CDCP1: variants seen among roughly 807,000 people sequenced by gnomAD.
CDCP1 encodes the protein CUB domain-containing protein 1.
Under a neutral mutation model 60.2 loss-of-function variants are expected in CDCP1, and 29 were observed. The observed-to-expected ratio is 0.48, with a 90% CI of 0.36 to 0.66. The LOEUF (loss-of-function observed/expected upper bound fraction) is 0.66. Ranked by LOEUF, CDCP1 falls within the 30% of genes least tolerant of loss-of-function variation. The pLI, the probability that CDCP1 is intolerant of heterozygous loss-of-function variation, is 0.00. For synonymous variants in CDCP1, 387 were observed against 431.1 expected (o/e 0.90, Z 1.27); for missense variants, 876 against 1,074.3 (o/e 0.82, Z 2.58).
chr3:45,088,018 C>T (rs1698229037), intron 8 of CDCP1, among the ~76,000 whole-genome samples: 1 of 98,910 alleles, frequency 1.0e-5, no homozygotes, highest in South Asian at 4.5e-4. Context: ...GAGACTCTGT[C>T]TTAAAAAAAA....
rs779724415 is a variant in CDCP1, at chr3:45,112,153, G to C, written c.585C>G (p.Ala195=). 6.2e-7 allele frequency: 1 copy of C among 1,614,190 alleles called. No individual in the cohort carries two copies. The highest frequency in any genetic ancestry group is 1.1e-5 in the South Asian group (1 of 91,082). The stretch of plus-strand genomic sequence containing the variant: ...TGGGGTGGAACCATGGGAGGTGTAA[G>C]GCCATTTTCACTCCTTCTTGCATCT... The part of the protein sequence containing the change: ...RIKMQEGVKM[A]LHLPWFHPRN... The change falls in exon 3 of 9, where the codon GCC becomes GCG. Residue 195 remains alanine (A), a synonymous_variant. Transcript: ENST00000296129.
intron 1 of CDCP1, among the ~76,000 whole-genome samples, chr3:45,136,388 AGG>A (rs1412218638): frequency 6.6e-6 from 1 of 152,198 alleles, no homozygotes; most frequent in Non-Finnish European, 1.5e-5. Flanking sequence ...CTAAGGAAGA[AGG>A]AGGAGGATGG....
intron 4 of CDCP1, chr3:45,110,152 G>T: frequency 8.8e-7 from 1 of 1,140,288 alleles, no homozygotes; most frequent in Non-Finnish European, 1.1e-6. Flanking sequence ...GATGGTGCGG[G>T]TGACATCCTC....
intron 4 of CDCP1, among the ~76,000 whole-genome samples, chr3:45,100,959 A>C (rs1370725749): frequency 6.6e-6 from 1 of 152,240 alleles, no homozygotes; most frequent in Non-Finnish European, 1.5e-5. Context: ...CCCAAATCTG[A>C]ATGGTTAGTA....
At chr3:45,099,371 C>T (rs1003869018) in intron 4 of CDCP1, among the ~76,000 whole-genome samples, 7 of 151,806 alleles carry the variant, frequency 4.6e-5, no homozygotes, top group Admixed American at 1.3e-4. Context: ...AGTTTGTTGC[C>T]ATTTGGTTTC....
At chr3:45,106,718 G>C (rs1443781412) in intron 4 of CDCP1, among the ~76,000 whole-genome samples, 1 of 152,214 alleles carries the variant, frequency 6.6e-6, no homozygotes, top group African/African-American at 2.4e-5. Context: ...TTTGGTCTGG[G>C]TAGTTGTTCC....
rs1698160235 is a variant in CDCP1 at position 45,084,746 on chromosome 3, T to C, written c.*892A>G. The C allele has an allele frequency of 6.6e-6, 1 of 152,652 alleles. No individual in the cohort carries two copies. The highest frequency in any genetic ancestry group is 2.4e-5 in the African/African-American group (1 of 41,470). 9.5% of individuals were successfully genotyped at this position (152,652 alleles called of 1,614,324 possible). The stretch of plus-strand genomic sequence containing the variant: ...ATAGGTTGCAGTGGCAACAGAAAAC[T>C]AATGCAGGGGGCCACTGTTTGGTAT... On this transcript the variant is annotated 3_prime_UTR_variant, in exon 9 of 9. Coordinates refer to ENST00000296129, the MANE Select transcript of CDCP1 (RefSeq NM_022842.5).
intron 8 of CDCP1, 122 bp downstream of exon 8, chr3:45,088,922 TATTGTTTAAC>T: frequency 1.3e-6 from 1 of 756,170 alleles, no homozygotes. Flanking sequence ...CACCTGGCAA[TATTGTTTAAC>T]ATTGATCTTT....
intron 4 of CDCP1, 127 bp from the exon 5 acceptor site, chr3:45,095,695 G>A: frequency 4.3e-6 from 3 of 691,108 alleles, no homozygotes; most frequent in Non-Finnish European, 7.5e-6. Context: ...GATAATGTTG[G>A]GAAAACGTAT....
chr3:45,093,773 T>C, intron 5 of CDCP1, 116 bp from the exon 6 acceptor site: 1 of 1,201,738 alleles, frequency 8.3e-7, no homozygotes, highest in Non-Finnish European at 1.2e-6. Context: ...TTCCCTTCGG[T>C]CTCTCTTCTC....
At chr3:45,090,674 AG>A (rs2125989627) in intron 7 of CDCP1, among the ~76,000 whole-genome samples, 1 of 152,340 alleles carries the variant, frequency 6.6e-6, no homozygotes, top group East Asian at 1.9e-4. Context: ...ATGCAGTCGA[AG>A]GGATGGTGTG....
At chr3:45,135,908 C>T (rs73829940) in intron 1 of CDCP1, among the ~76,000 whole-genome samples, 1,684 of 152,272 alleles carry the variant, frequency 0.011, 35 homozygotes, top group African/African-American at 0.036. Context: ...AGGGTGCAAG[C>T]TCTATCAAAT....
chr3:45,095,809 A>G (rs548683400), intron 4 of CDCP1, among the ~76,000 whole-genome samples: 5 of 152,328 alleles, frequency 3.3e-5, no homozygotes, highest in African/African-American at 1.2e-4. Context: ...TGTGGCATAA[A>G]CACAAATTAT....
At chr3:45,111,420 A>G (rs1473578670) in intron 3 of CDCP1, among the ~76,000 whole-genome samples, 1 of 152,220 alleles carries the variant, frequency 6.6e-6, no homozygotes, top group East Asian at 1.9e-4. Flanking sequence ...TCATGCCTGT[A>G]ATCCCAGCAC....
Position 45,091,107 on chromosome 3 carries a change from G to T in CDCP1, c.1993+66C>A. 2 of 1,533,864 alleles carry T rather than the reference G, an allele frequency of 1.3e-6. No individual in the cohort carries two copies. The highest frequency in any genetic ancestry group is 1.8e-6 in the Non-Finnish European group (2 of 1,136,400). ...GTGATTCTGACTTGTCTCCAGGCTT[G>T]CTCTCTATCCTCCAGCTGACAATTT... On this transcript the variant is annotated intron_variant, in intron 7 of 8. Coordinates refer to ENST00000296129, the MANE Select transcript of CDCP1 (RefSeq NM_022842.5). The surrounding 1 kb of genome is among the most constrained non-coding windows in gnomAD (Gnocchi z 4.8).
intron 8 of CDCP1, among the ~76,000 whole-genome samples, chr3:45,086,433 A>G (rs1342544924): frequency 6.6e-6 from 1 of 152,220 alleles, no homozygotes; most frequent in African/African-American, 2.4e-5. Context: ...AGTGTCCCAG[A>G]CCTTCTCAAC....
rs534532614 is a variant in CDCP1, at chr3:45,100,466, G to A, written c.1025-4898C>T. Among the ~76,000 whole-genome samples, 8 of 152,324 alleles carry A rather than the reference G, an allele frequency of 5.3e-5. No homozygotes were observed. The South Asian group carries it at 1.7e-3, about 32-fold the overall frequency. ...CACCTTAGCCCCACATTTGCCCCCA[G>A]TTCTGGAGGAGACTTGCTGCCAATT... On this transcript the variant is annotated intron_variant, in intron 4 of 8. Transcript: ENST00000296129.
chr3:45,120,909 C>T, intron 1 of CDCP1, among the ~76,000 whole-genome samples: 1 of 9,476 alleles, frequency 1.1e-4, no homozygotes, highest in African/African-American at 1.9e-4. Context: ...AAAGTGCTCC[C>T]CTCCCCCCAC....
intron 5 of CDCP1, among the ~76,000 whole-genome samples, chr3:45,093,876 C>A (rs991770322): frequency 1.3e-5 from 2 of 152,182 alleles, no homozygotes; most frequent in Non-Finnish European, 2.9e-5. Flanking sequence ...ACTAAGCTGG[C>A]AAACAAACTT....
Sources: allele counts gnomAD v4.1 joint callset (sites outside exome capture counted in the v4.1 genomes callset), GRCh38; gene constraint gnomAD v4.1.1; non-coding constraint Gnocchi (gnomAD v3.1); transcripts MANE v1.5; gene names NCBI Gene and HGNC (gene_info 2026-07-23, HGNC 2026-07-21).